NXPE2: variants seen among roughly 807,000 people sequenced by gnomAD.
NXPE2 encodes the protein neurexophilin and PC-esterase domain family member 2.
A neutral mutation model predicts 34.4 loss-of-function variants in NXPE2; 34 were observed. That is an observed-to-expected ratio of 0.99 (90% CI 0.75 to 1.31). The LOEUF (loss-of-function observed/expected upper bound fraction) is 1.31. Ranked by LOEUF, NXPE2 falls within the 40% of genes most tolerant of loss-of-function variation. The probability of loss-of-function intolerance (pLI) is 0.00; values close to 1 mark genes in which losing one functional copy is unlikely to be tolerated. For synonymous variants in NXPE2, 235 were observed against 231.3 expected (o/e 1.02, Z -0.15); for missense variants, 649 against 672.5 (o/e 0.97, Z 0.39).
the NXPE2 span, among the ~76,000 whole-genome samples, chr11:114,601,897 TTA>T: frequency 7.6e-5 from 3 of 39,396 alleles, no homozygotes; most frequent in Non-Finnish European, 1.6e-4. Flanking sequence ...TATATTATAT[TTA>T]TATATATTAT....
chr11:114,643,179 G>A, the NXPE2 span, among the ~76,000 whole-genome samples: 1 of 151,834 alleles, frequency 6.6e-6, no homozygotes, highest in Non-Finnish European at 1.5e-5. Context: ...TGGATAGATT[G>A]CAAAAATTTT....
At chr11:114,465,991 C>T in the NXPE2 span, among the ~76,000 whole-genome samples, 1 of 152,098 alleles carries the variant, frequency 6.6e-6, no homozygotes, top group Admixed American at 6.6e-5. Context: ...AGTTTGAAGT[C>T]TTTAACAAAT....
chr11:114,560,402 C>T, the NXPE2 span, among the ~76,000 whole-genome samples: 1 of 151,416 alleles, frequency 6.6e-6, no homozygotes, highest in Non-Finnish European at 1.5e-5. Flanking sequence ...CTAGGGGCTA[C>T]AGGTGCATGC....
At chr11:114,690,756 C>T (rs983917171) in intron 2 of NXPE2, among the ~76,000 whole-genome samples, 1 of 152,080 alleles carries the variant, frequency 6.6e-6, no homozygotes, top group Non-Finnish European at 1.5e-5. Flanking sequence ...TACATAATCC[C>T]TTATTTCTCA....
the NXPE2 span, among the ~76,000 whole-genome samples, chr11:114,777,651 C>A: frequency 6.6e-6 from 1 of 152,156 alleles, no homozygotes; most frequent in Non-Finnish European, 1.5e-5. Context: ...ATTCGAGATC[C>A]ATTTTCCTGG....
At chr11:114,614,163 C>G in the NXPE2 span, among the ~76,000 whole-genome samples, 1 of 150,986 alleles carries the variant, frequency 6.6e-6, no homozygotes, top group African/African-American at 2.4e-5. Flanking sequence ...TGGGTACCAA[C>G]TCTTACCCTG....
chr11:114,703,088 A>C (rs983851275), intron 3 of NXPE2, among the ~76,000 whole-genome samples: 9 of 152,290 alleles, frequency 5.9e-5, no homozygotes, highest in Admixed American at 5.9e-4. Flanking sequence ...TATACTGAAT[A>C]ATATTGACTT....
At chr11:114,548,373 T>C in the NXPE2 span, among the ~76,000 whole-genome samples, 2 of 152,222 alleles carry the variant, frequency 1.3e-5, no homozygotes, top group Admixed American at 6.5e-5. Flanking sequence ...AATATAACTT[T>C]AGAGGAACAT....
At chr11:114,476,434 T>C in the NXPE2 span, among the ~76,000 whole-genome samples, 1 of 152,320 alleles carries the variant, frequency 6.6e-6, no homozygotes, top group African/African-American at 2.4e-5. Context: ...TTAAGACTCT[T>C]ATGTATTTAA....
At chr11:114,491,552 T>C in the NXPE2 span, among the ~76,000 whole-genome samples, 12 of 152,232 alleles carry the variant, frequency 7.9e-5, no homozygotes, top group East Asian at 2.1e-3. Flanking sequence ...CACTTTTACG[T>C]TGTTGGTGGG....
At chr11:114,617,364 T>C in the NXPE2 span, among the ~76,000 whole-genome samples, 1 of 148,394 alleles carries the variant, frequency 6.7e-6, no homozygotes, top group Non-Finnish European at 1.5e-5. Context: ...ATTACGTCAT[T>C]GGTAACCACT....
the NXPE2 span, among the ~76,000 whole-genome samples, chr11:114,760,224 C>T: frequency 1.1e-3 from 161 of 152,202 alleles, 1 homozygote; most frequent in African/African-American, 3.7e-3. Context: ...GATTAGTGCC[C>T]TTATCAAAGA....
chr11:114,643,879 T>C, the NXPE2 span, among the ~76,000 whole-genome samples: 1 of 152,208 alleles, frequency 6.6e-6, no homozygotes, highest in Non-Finnish European at 1.5e-5. Context: ...ATGATATTAA[T>C]TCTTCCTATT....
the NXPE2 span, among the ~76,000 whole-genome samples, chr11:114,767,201 C>T: frequency 1.3e-5 from 2 of 152,084 alleles, no homozygotes; most frequent in East Asian, 1.9e-4. Context: ...TGCCTTTATA[C>T]TTTATGAATA....
the NXPE2 span, among the ~76,000 whole-genome samples, chr11:114,798,152 C>A: frequency 6.6e-6 from 1 of 152,072 alleles, no homozygotes; most frequent in Admixed American, 6.6e-5. Flanking sequence ...TAATAAAAAC[C>A]TATTTCACTA....
chr11:114,607,729 T>A, the NXPE2 span, among the ~76,000 whole-genome samples: 1 of 152,016 alleles, frequency 6.6e-6, no homozygotes, highest in Non-Finnish European at 1.5e-5. Flanking sequence ...GCCTCGTGGG[T>A]AACCACAGTT....
At chr11:114,694,176 T>A (rs1371988156) in intron 2 of NXPE2, among the ~76,000 whole-genome samples, 2 of 152,228 alleles carry the variant, frequency 1.3e-5, no homozygotes, top group African/African-American at 4.8e-5. Flanking sequence ...TACATTTGAC[T>A]CACCTGTATA....
chr11:114,550,565 C>T, the NXPE2 span, among the ~76,000 whole-genome samples: 1 of 151,864 alleles, frequency 6.6e-6, no homozygotes, highest in African/African-American at 2.4e-5. Context: ...CTTTCAACAG[C>T]GTAAATTCCA....
At chr11:114,599,936 A>G in the NXPE2 span, among the ~76,000 whole-genome samples, 3 of 152,188 alleles carry the variant, frequency 2.0e-5, no homozygotes, top group African/African-American at 7.2e-5. Flanking sequence ...AAAAAAATCT[A>G]TGAGTTCATA....
Sources: gnomAD v4.1 joint callset for allele counts (sites outside exome capture counted in the v4.1 genomes callset) on GRCh38, gnomAD v4.1.1 for gene constraint, MANE v1.5 for transcripts, NCBI Gene and HGNC (gene_info 2026-07-23, HGNC 2026-07-21) for gene names.